BAHD1: variants seen among roughly 807,000 people sequenced by gnomAD.
BAHD1 encodes bromo adjacent homology domain-containing 1 protein.
Under a neutral mutation model 63.1 loss-of-function variants are expected in BAHD1, and 20 were observed. That is an observed-to-expected ratio of 0.32 (90% CI 0.22 to 0.46). The LOEUF (loss-of-function observed/expected upper bound fraction) is 0.46. Ranked by LOEUF, BAHD1 falls within the 20% of genes least tolerant of loss-of-function variation. The pLI, the probability that BAHD1 is intolerant of heterozygous loss-of-function variation, is 1.00. For missense variants in BAHD1, 939 were observed against 1,071.8 expected, an observed-to-expected ratio of 0.88 and a Z score of 1.73; for synonymous variants, 408 against 426.8, an observed-to-expected ratio of 0.96 and a Z score of 0.54.
At chr15:40,439,369 G>A (rs188957595), upstream of BAHD1, among the ~76,000 whole-genome samples, 597 of 152,346 alleles carry the variant, frequency 3.9e-3, 2 homozygotes, top group African/African-American at 0.014. Flanking sequence ...GGGGGAGGTT[G>A]TTTCCCAGCC....
chr15:40,468,162 C>T lies in BAHD1; in HGVS notation c.*2032C>T, dbSNP rs879150298. On this transcript the variant is annotated 3_prime_UTR_variant, in exon 7 of 7. Transcript: ENST00000416165. ...AGGGAGGAAGGACCTTTCCTCACCT[C>T]CCTTTTGACAGAGATTAGAAGTACT... The T allele has an allele frequency of 9.8e-5, 15 of 152,644 alleles. No individual in the cohort carries two copies. The South Asian group carries it at 2.9e-3, about 30-fold the overall frequency. 9.5% of individuals were successfully genotyped at this position (152,644 alleles called of 1,614,324 possible). A position where few individuals can be genotyped will look rare whatever the true frequency, so the allele number is the denominator to read the frequency against.
chr15:40,452,528 C>T (rs559610750), intron 1 of BAHD1, among the ~76,000 whole-genome samples: 1 of 152,312 alleles, frequency 6.6e-6, no homozygotes, highest in South Asian at 2.1e-4. Context: ...TAGTTTCTGC[C>T]CCGGCCCTCT....
At chr15:40,450,776 G>A (rs1375746054) in intron 1 of BAHD1, among the ~76,000 whole-genome samples, 3 of 152,174 alleles carry the variant, frequency 2.0e-5, no homozygotes, top group Non-Finnish European at 4.4e-5. Context: ...ACCCCTGCCT[G>A]GAGTCATCCT....
At chr15:40,441,802 G>T (rs1211763822) in intron 1 of BAHD1, among the ~76,000 whole-genome samples, 2 of 150,876 alleles carry the variant, frequency 1.3e-5, no homozygotes, top group Non-Finnish European at 3.0e-5. Flanking sequence ...CGCTCAGGGT[G>T]GGGGGCGCCC....
chr15:40,464,559 G>A lies in BAHD1; in HGVS notation c.2052+12G>A. 6.2e-7 allele frequency: 1 copy of A among 1,610,512 alleles called. No homozygotes were observed. The highest frequency in any genetic ancestry group is 1.1e-5 in the South Asian group (1 of 90,492). ...CCAGCATGCACGAGGTGAGCTGCCTGGCAGATGGGTCAGGGAGGGCAGGAG... is the reference window on the plus strand; with the variant it reads ...CCAGCATGCACGAGGTGAGCTGCCTAGCAGATGGGTCAGGGAGGGCAGGAG... On this transcript the variant is annotated intron_variant, in intron 5 of 6. Coordinates refer to ENST00000416165, the MANE Select transcript of BAHD1 (RefSeq NM_014952.5).
At position 40,466,268 on chromosome 15, in the gene BAHD1, AG is replaced by A; in HGVS notation, c.*142del. On this transcript the variant is annotated 3_prime_UTR_variant, in exon 7 of 7. Coordinates refer to ENST00000416165, the MANE Select transcript of BAHD1 (RefSeq NM_014952.5). ...CTGTGGTTTTCTTGGGGGGGAGGGC[AG>A]GGGCCCCTGTGGGTTCTGGGCTCCA... 7.2e-6 allele frequency: 3 copies of A among 416,814 alleles called. No individual in the cohort carries two copies. The highest frequency in any genetic ancestry group is 8.6e-6 in the Non-Finnish European group (2 of 232,020). 25.8% of individuals were successfully genotyped at this position (416,814 alleles called of 1,614,324 possible). A position where few individuals can be genotyped will look rare whatever the true frequency, so the allele number is the denominator to read the frequency against.
intron 3 of BAHD1, among the ~76,000 whole-genome samples, chr15:40,462,619 A>G (rs1308692468): frequency 6.6e-6 from 1 of 152,048 alleles, no homozygotes; most frequent in East Asian, 1.9e-4. Context: ...AGGACTTTCA[A>G]TGGAGAACTT....
At position 40,459,549 on chromosome 15, in the gene BAHD1, C is replaced by T. The variant is rs1893968033; in HGVS notation, c.1085C>T (p.Ala362Val). The stretch of plus-strand genomic sequence containing the variant: ...CCGCTGCCGATGCCTGGCAACCCCG[C>T]CGACTACAATGGCCTGTGTGTTGGG... The part of the protein sequence containing the change: ...LSPLPMPGNP[A>V]DYNGLCVGPE... The change falls in exon 2 of 7, where the codon GCC (alanine) becomes GTC (valine). Residue 362 changes from alanine to valine, a missense_variant. Physicochemically the swap from Ala to Val is moderately conservative, Grantham distance 64. Coordinates refer to ENST00000416165, the MANE Select transcript of BAHD1 (RefSeq NM_014952.5). 43 of 1,614,186 alleles carry T rather than the reference C, an allele frequency of 2.7e-5. No homozygotes were observed. The highest frequency in any genetic ancestry group is 3.5e-5 in the Non-Finnish European group (41 of 1,180,048).
rs1395575368 is a variant in BAHD1 at position 40,466,197 on chromosome 15, A to G, written c.*67A>G. The G allele has an allele frequency of 7.1e-7, 1 of 1,401,160 alleles. No individual in the cohort carries two copies. The highest frequency in any genetic ancestry group is 9.6e-7 in the Non-Finnish European group (1 of 1,046,436). 86.8% of individuals were successfully genotyped at this position (1,401,160 alleles called of 1,614,324 possible). A position where few individuals can be genotyped will look rare whatever the true frequency, so the allele number is the denominator to read the frequency against. On this transcript the variant is annotated 3_prime_UTR_variant, in exon 7 of 7. Coordinates refer to ENST00000416165, the MANE Select transcript of BAHD1 (RefSeq NM_014952.5). ...GCTCGGGGTAGGGGGCACTGCTTGA[A>G]GCACAGCACTTGGTTAGGGGGCCAC...
At chr15:40,449,652 T>A (rs192818389) in intron 1 of BAHD1, among the ~76,000 whole-genome samples, 10 of 151,174 alleles carry the variant, frequency 6.6e-5, no homozygotes, top group African/African-American at 2.4e-4. Context: ...TAAAAATAAA[T>A]TTAAAAATTA....
At chr15:40,441,422 G>A (rs1380396778) in intron 1 of BAHD1, among the ~76,000 whole-genome samples, 154 bp downstream of exon 1, 1 of 150,312 alleles carries the variant, frequency 6.7e-6, no homozygotes, top group Non-Finnish European at 1.5e-5. Context: ...GCCCGGGAAG[G>A]GACGGACGGA....
At chr15:40,446,203 T>C (rs1227384734) in intron 1 of BAHD1, among the ~76,000 whole-genome samples, 1 of 152,212 alleles carries the variant, frequency 6.6e-6, no homozygotes, top group Non-Finnish European at 1.5e-5. Context: ...CCTGCCCACC[T>C]CCTGGTACTG....
chr15:40,464,266 C>T (rs1894139207), intron 4 of BAHD1: 6 of 646,380 alleles, frequency 9.3e-6, no homozygotes. Context: ...CCCCACCTCA[C>T]CTGTCAGTGC....
At chr15:40,439,200 T>G (rs984476027), upstream of BAHD1, among the ~76,000 whole-genome samples, 10 of 152,228 alleles carry the variant, frequency 6.6e-5, no homozygotes, top group Admixed American at 1.3e-4. Flanking sequence ...TGGGAGAACC[T>G]GGACCTTCGA....
chr15:40,461,844 G>A, intron 2 of BAHD1, 68 bp from the exon 3 acceptor site: 2 of 1,508,686 alleles, frequency 1.3e-6, no homozygotes, highest in Non-Finnish European at 1.8e-6. Context: ...ACAGGAGCAG[G>A]CTCTGAAAGC....
In BAHD1 at chr15:40,458,469, C is replaced by T; in HGVS notation, c.5C>T (p.Thr2Ile). M[T>I]HTRRKSLPML... ...CCTGCAGGTTGGAAGTACTCCATGA[C>T]ACACACTCGGAGAAAGTCCCTTCCC... The change falls in exon 2 of 7, where the codon ACA becomes ATA. Residue 2 changes from threonine to isoleucine, a missense_variant. Transcript: ENST00000416165. This position sits in a 1 kb window ranked among gnomAD's most constrained non-coding sequence, Gnocchi z 4.7. The T allele has an allele frequency of 3.2e-6, 5 of 1,579,820 alleles. No individual in the cohort carries two copies. The highest frequency in any genetic ancestry group is 4.3e-6 in the Non-Finnish European group (5 of 1,160,616).
In BAHD1 at chr15:40,461,968, G is replaced by A. The variant is rs1894056704; in HGVS notation, c.1489G>A (p.Ala497Thr). ...EFPLPEAGHP[A>T]SPAHPLLGCP... ...TCCTCTCCCGGAAGCTGGCCACCCAGCCTCACCCGCCCACCCACTCCTGGG... is the reference window on the plus strand; with the variant it reads ...TCCTCTCCCGGAAGCTGGCCACCCAACCTCACCCGCCCACCCACTCCTGGG... Residue 497 changes from alanine (A) to threonine (T), a missense_variant, in exon 3 of 7, where the codon GCC becomes ACC. This residue lies in a region of BAHD1 where 797 missense variants were observed against 813.3 expected (regional missense o/e 0.98). Transcript: ENST00000416165. The A allele has an allele frequency of 3.1e-6, 5 of 1,611,864 alleles. No homozygotes were observed. Among genetic ancestry groups the A allele is most frequent in the Non-Finnish European group, 4.2e-6 (5 of 1,178,514 alleles).
At position 40,459,473 on chromosome 15, in the gene BAHD1, G is replaced by A. The variant is rs1313238917; in HGVS notation, c.1009G>A (p.Ala337Thr). The change falls in exon 2 of 7, where the codon GCC becomes ACC. Residue 337 changes from alanine to threonine, a missense_variant. Coordinates refer to ENST00000416165, the MANE Select transcript of BAHD1 (RefSeq NM_014952.5). ...TGGGCGCCCAGGCGAGGAGTCACCT[G>A]CCCCTAAGCAGGAACTGCATCAGCC... is the stretch of plus-strand genomic sequence containing the variant. ...EPGRPGEESP[A>T]PKQELHQPSF... 1 of 1,613,746 alleles carries A rather than the reference G, an allele frequency of 6.2e-7. No individual in the cohort carries two copies.
At position 40,461,982 on chromosome 15, in the gene BAHD1, C is replaced by T. The variant is rs572770456; in HGVS notation, c.1503C>T (p.His501=). The T allele has an allele frequency of 1.2e-6, 2 of 1,612,722 alleles. No individual in the cohort carries two copies. Among genetic ancestry groups the T allele is most frequent in the Non-Finnish European group, 1.7e-6 (2 of 1,179,118 alleles). ...PEAGHPASPA[H]PLLGCPVPSV... ...CTGGCCACCCAGCCTCACCCGCCCACCCACTCCTGGGGTGCCCTGTACCCA... is the reference window on the plus strand; with the variant it reads ...CTGGCCACCCAGCCTCACCCGCCCATCCACTCCTGGGGTGCCCTGTACCCA... The change falls in exon 3 of 7, where the codon CAC becomes CAT. Residue 501 remains histidine, a synonymous_variant. Transcript: ENST00000416165.
Sources: allele counts gnomAD v4.1 joint callset (sites outside exome capture counted in the v4.1 genomes callset), GRCh38; gene constraint gnomAD v4.1.1; regional missense constraint gnomAD v4.1.1; non-coding constraint Gnocchi (gnomAD v3.1); transcripts MANE v1.5; gene names NCBI Gene and HGNC (gene_info 2026-07-23, HGNC 2026-07-21).